The following SYT9 variants were observed in gnomAD, a reference collection of about 807,000 sequenced individuals.
The protein encoded by SYT9 is synaptotagmin 9, also known as synaptotagmin-9.
A neutral mutation model predicts 48.4 loss-of-function variants in SYT9; 22 were observed. The observed-to-expected ratio is 0.45, with a 90% CI of 0.32 to 0.65. The LOEUF (loss-of-function observed/expected upper bound fraction) is 0.65. Ranked by LOEUF, SYT9 falls within the 30% of genes least tolerant of loss-of-function variation. The pLI is 0.03. For missense variants in SYT9, 577 were observed against 622.0 expected (o/e 0.93, Z 0.77); for synonymous variants, 265 against 245.0 (o/e 1.08, Z -0.76).
In SYT9 at chr11:7,252,437, G is replaced by A; in HGVS notation, c.145+106G>A. The A allele has an allele frequency of 1.6e-6, 2 of 1,245,964 alleles. No individual in the cohort carries two copies. The highest frequency in any genetic ancestry group is 2.1e-6 in the Non-Finnish European group (2 of 969,810). The allele number at this position is 1,245,964 out of a possible 1,614,324, so 77.2% of individuals were successfully genotyped here. A position where few individuals can be genotyped will look rare whatever the true frequency, so the allele number is the denominator to read the frequency against. ...CAGCGACGCGGACTGGGAGAGGGCG[G>A]GGGGCGGCCACCGAGCCAGGAGAGT... On this transcript the variant is annotated intron_variant, in intron 1 of 6. Transcript: ENST00000318881. The surrounding 1 kb of genome is among the most constrained non-coding windows in gnomAD (Gnocchi z 6.3).
chr11:7,441,150 C>T (rs1321097341), intron 6 of SYT9: 1 of 152,258 alleles, frequency 6.6e-6, no homozygotes, highest in East Asian at 1.9e-4. Context: ...CACTTAGAAG[C>T]AGACAGATTA....
chr11:7,383,442 G>T (rs1207515691), intron 3 of SYT9, among the ~76,000 whole-genome samples: 1 of 152,180 alleles, frequency 6.6e-6, no homozygotes, highest in Non-Finnish European at 1.5e-5. Context: ...CTGGGCTACT[G>T]AGGGTGCAAC....
intron 3 of SYT9, among the ~76,000 whole-genome samples, chr11:7,316,536 T>C (rs1849246862): frequency 6.6e-6 from 1 of 152,196 alleles, no homozygotes; most frequent in Non-Finnish European, 1.5e-5. Context: ...TATGACAAAT[T>C]TGCATTCTTG....
At chr11:7,280,978 C>T (rs895546392) in intron 1 of SYT9, among the ~76,000 whole-genome samples, 1 of 152,088 alleles carries the variant, frequency 6.6e-6, no homozygotes, top group African/African-American at 2.4e-5. Context: ...TTTAGTTTTT[C>T]ATGGTGGCTG....
At position 7,282,654 on chromosome 11, in the gene SYT9, C is replaced by G. The variant is rs550887614; in HGVS notation, c.146-20385C>G. Among the ~76,000 whole-genome samples, 4 of 152,200 alleles carry G rather than the reference C, an allele frequency of 2.6e-5. No individual in the cohort carries two copies. The East Asian group carries it at 7.7e-4, about 29-fold the overall frequency. On this transcript the variant is annotated intron_variant, in intron 1 of 6. Coordinates refer to ENST00000318881, the MANE Select transcript of SYT9 (RefSeq NM_175733.4). ...TTCAGTGGCCATCGGGGTCCTCCAA[C>G]CTGGAGTAGCCTGTAGGCAGCATGG...
intron 3 of SYT9, among the ~76,000 whole-genome samples, chr11:7,373,597 T>A (rs1007890467): frequency 2.0e-5 from 3 of 152,134 alleles, no homozygotes; most frequent in Admixed American, 2.0e-4. Context: ...TGAACTAAGC[T>A]GCAGGGTGTA....
At chr11:7,241,720 A>T (rs144853189) in intron 1 of SYT9, among the ~76,000 whole-genome samples, 1 of 152,340 alleles carries the variant, frequency 6.6e-6, no homozygotes, top group African/African-American at 2.4e-5. Context: ...GGCTTTAATC[A>T]ATTCTTTAGT....
intron 3 of SYT9, among the ~76,000 whole-genome samples, chr11:7,377,553 AT>A (rs1047401740): frequency 1.3e-5 from 2 of 151,054 alleles, no homozygotes; most frequent in South Asian, 2.1e-4. Context: ...CTCTTTCTTT[AT>A]TTTTTTTTCT....
chr11:7,415,948 C>A, intron 3 of SYT9, 94 bp from the exon 4 acceptor site: 1 of 1,461,198 alleles, frequency 6.8e-7, no homozygotes, highest in Non-Finnish European at 9.5e-7. Flanking sequence ...GCAAAAGGGG[C>A]AGTGTGTTCC....
At chr11:7,429,272 C>A (rs150607896) in intron 6 of SYT9, among the ~76,000 whole-genome samples, 6 of 152,194 alleles carry the variant, frequency 3.9e-5, no homozygotes, top group South Asian at 2.1e-4. Flanking sequence ...CCACTGCATA[C>A]GCTGATTCAG....
At chr11:7,445,815 G>A (rs1847918001) in intron 6 of SYT9, among the ~76,000 whole-genome samples, 1 of 152,162 alleles carries the variant, frequency 6.6e-6, no homozygotes. Context: ...CCTAACACTG[G>A]AATCCCAGAG....
intron 3 of SYT9, among the ~76,000 whole-genome samples, chr11:7,406,475 C>T (rs570903813): frequency 6.7e-6 from 1 of 150,010 alleles, no homozygotes; most frequent in South Asian, 2.1e-4. Context: ...CATTTCCATT[C>T]CTGTTGCTGC....
intron 3 of SYT9, among the ~76,000 whole-genome samples, chr11:7,352,686 A>G (rs1849940528): frequency 6.6e-6 from 1 of 152,346 alleles, no homozygotes; most frequent in Non-Finnish European, 1.5e-5. Context: ...GCTCCCCTGC[A>G]CTTGTTATGG....
intron 6 of SYT9, among the ~76,000 whole-genome samples, chr11:7,421,715 A>T (rs531462546): frequency 2.0e-5 from 3 of 152,326 alleles, no homozygotes; most frequent in African/African-American, 7.2e-5. Flanking sequence ...CCTAAGTAAC[A>T]TGTCTGAGGG....
intron 3 of SYT9, among the ~76,000 whole-genome samples, chr11:7,324,654 A>G (rs904108664): frequency 6.6e-6 from 1 of 151,818 alleles, no homozygotes; most frequent in Non-Finnish European, 1.5e-5. Flanking sequence ...TTTGGTCTAT[A>G]TATTGTTTAA....
chr11:7,360,025 T>A (rs552955071), intron 3 of SYT9, among the ~76,000 whole-genome samples: 1 of 152,014 alleles, frequency 6.6e-6, no homozygotes, highest in East Asian at 1.9e-4. Context: ...AATTGATTTT[T>A]GTATAAGGTG....
intron 1 of SYT9, among the ~76,000 whole-genome samples, chr11:7,264,896 A>T (rs1369893692): frequency 6.6e-6 from 1 of 152,146 alleles, no homozygotes; most frequent in East Asian, 1.9e-4. Context: ...AAGCGACCTG[A>T]GGAATGATAG....
chr11:7,448,718 A>G (rs879380535), intron 6 of SYT9, among the ~76,000 whole-genome samples: 1 of 152,252 alleles, frequency 6.6e-6, no homozygotes, highest in African/African-American at 2.4e-5. Context: ...TTATCTTAAA[A>G]TAACTCACTT....
chr11:7,382,624 T>C (rs1850587202), intron 3 of SYT9, among the ~76,000 whole-genome samples: 1 of 152,218 alleles, frequency 6.6e-6, no homozygotes, highest in Admixed American at 6.5e-5. Flanking sequence ...CACATATAAA[T>C]GGCATGTTAA....
Sources: gnomAD v4.1 joint callset for allele counts (sites outside exome capture counted in the v4.1 genomes callset) on GRCh38, gnomAD v4.1.1 for gene constraint, Gnocchi (gnomAD v3.1) non-coding constraint, MANE v1.5 for transcripts, NCBI Gene and HGNC (gene_info 2026-07-23, HGNC 2026-07-21) for gene names.